The following RAB38 variants were observed in gnomAD, a reference collection of about 807,000 sequenced individuals.
RAB38 encodes the protein RAB38, member RAS oncogene family, also known as ras-related protein Rab-38.
RAB38 carries 15 observed loss-of-function variants against 18.4 expected under a neutral mutation model. The ratio of observed to expected loss-of-function variants is 0.82; its 90% CI spans 0.55 to 1.26. The LOEUF (loss-of-function observed/expected upper bound fraction) is 1.26. RAB38 is among the 50% of genes most tolerant of loss of function. RAB38 has a pLI of 0.00. For missense variants in RAB38, 294 were observed against 267.4 expected (o/e 1.10, Z -0.69); for synonymous variants, 101 against 104.4 (o/e 0.97, Z 0.20).
At chr11:88,086,733 T>C in the RAB38 span, among the ~76,000 whole-genome samples, 2 of 151,910 alleles carry the variant, frequency 1.3e-5, no homozygotes, top group Non-Finnish European at 2.9e-5. Context: ...GATAGATAGA[T>C]AGAGGATTTC....
intron 1 of RAB38, among the ~76,000 whole-genome samples, chr11:88,174,484 C>G (rs781154073): frequency 6.6e-6 from 1 of 151,916 alleles, no homozygotes; most frequent in Non-Finnish European, 1.5e-5. Flanking sequence ...TAAAAATGGC[C>G]TTAAAATATA....
chr11:87,930,135 G>A, the RAB38 span, among the ~76,000 whole-genome samples: 119 of 151,970 alleles, frequency 7.8e-4, no homozygotes, highest in Middle Eastern at 0.01. Context: ...CTGAGGAATC[G>A]CCACACTGAC....
At chr11:88,034,573 T>TTGC in the RAB38 span, among the ~76,000 whole-genome samples, 19 of 152,270 alleles carry the variant, frequency 1.2e-4, no homozygotes, top group Non-Finnish European at 4.4e-5. Flanking sequence ...TATTGTAGTT[T>TTGC]AAATTTGCAT....
At chr11:87,920,338 G>A in the RAB38 span, among the ~76,000 whole-genome samples, 1 of 151,574 alleles carries the variant, frequency 6.6e-6, no homozygotes, top group Non-Finnish European at 1.5e-5. Context: ...TAAATGTTGT[G>A]TTTCCATTTT....
At chr11:87,971,546 C>T in the RAB38 span, among the ~76,000 whole-genome samples, 2 of 152,118 alleles carry the variant, frequency 1.3e-5, no homozygotes, top group African/African-American at 4.8e-5. Context: ...CTCCTTGCCA[C>T]TCCCACTCTT....
At chr11:88,007,170 AC>A in the RAB38 span, among the ~76,000 whole-genome samples, 1 of 151,868 alleles carries the variant, frequency 6.6e-6, no homozygotes, top group Non-Finnish European at 1.5e-5. Context: ...ACACTATAGA[AC>A]TAAATATGAG....
chr11:87,832,395 GT>G, the RAB38 span, among the ~76,000 whole-genome samples: 1 of 152,106 alleles, frequency 6.6e-6, no homozygotes, highest in African/African-American at 2.4e-5. Flanking sequence ...GGCTCAACTG[GT>G]TTCTGTGCTC....
chr11:88,169,623 G>A (rs145947865), intron 1 of RAB38, among the ~76,000 whole-genome samples: 3 of 152,140 alleles, frequency 2.0e-5, no homozygotes, highest in Non-Finnish European at 4.4e-5. Context: ...GAATTAGAGG[G>A]CCAGATGATG....
chr11:87,902,541 A>G, the RAB38 span, among the ~76,000 whole-genome samples: 19 of 151,574 alleles, frequency 1.3e-4, no homozygotes, highest in South Asian at 3.9e-3. Flanking sequence ...TCATTTCTAC[A>G]AGAAAAGTCT....
the RAB38 span, among the ~76,000 whole-genome samples, chr11:87,844,210 A>G: frequency 5.3e-4 from 80 of 152,268 alleles, no homozygotes; most frequent in African/African-American, 1.9e-3. Flanking sequence ...ATAAATAGAG[A>G]TTACTCTTTT....
chr11:87,804,852 T>C, the RAB38 span, among the ~76,000 whole-genome samples: 1 of 152,218 alleles, frequency 6.6e-6, no homozygotes, highest in Admixed American at 6.5e-5. Flanking sequence ...TTTTATTTCT[T>C]CATTCCATGT....
At chr11:87,927,041 T>C in the RAB38 span, among the ~76,000 whole-genome samples, 1 of 152,086 alleles carries the variant, frequency 6.6e-6, no homozygotes, top group African/African-American at 2.4e-5. Context: ...TTGGTTGTAC[T>C]GTTTCAACTG....
At chr11:87,929,411 G>T in the RAB38 span, among the ~76,000 whole-genome samples, 1 of 151,042 alleles carries the variant, frequency 6.6e-6, no homozygotes, top group African/African-American at 2.4e-5. Context: ...CTTATTAAAG[G>T]TTTCACCCTA....
At chr11:88,119,273 T>C (rs1942599340) in intron 2 of RAB38, among the ~76,000 whole-genome samples, 1 of 152,124 alleles carries the variant, frequency 6.6e-6, no homozygotes, top group African/African-American at 2.4e-5. Context: ...TTCATACTCC[T>C]AACCTCTGCC....
chr11:87,888,594 C>A, the RAB38 span, among the ~76,000 whole-genome samples: 2 of 151,956 alleles, frequency 1.3e-5, no homozygotes, highest in East Asian at 2.0e-4. Flanking sequence ...CTAATCTGTA[C>A]CTTTCCTTCT....
At chr11:87,886,854 G>A in the RAB38 span, among the ~76,000 whole-genome samples, 1 of 138,582 alleles carries the variant, frequency 7.2e-6, no homozygotes, top group Non-Finnish European at 1.5e-5. Flanking sequence ...TTACACTGAT[G>A]CCAGCCCATC....
At chr11:88,092,353 A>AGG in the RAB38 span, among the ~76,000 whole-genome samples, 62 of 2,966 alleles carry the variant, frequency 0.021, 20 homozygotes, top group Non-Finnish European at 0.046. Flanking sequence ...AGAGGGAGGG[A>AGG]GAGAGAGAGA....
At chr11:87,954,402 A>T in the RAB38 span, among the ~76,000 whole-genome samples, 2 of 152,086 alleles carry the variant, frequency 1.3e-5, no homozygotes, top group Non-Finnish European at 2.9e-5. Context: ...TTTTCAGCCT[A>T]AATTTCTGAA....
chr11:88,136,854 G>C (rs577866443), intron 2 of RAB38, among the ~76,000 whole-genome samples: 2 of 152,268 alleles, frequency 1.3e-5, no homozygotes, highest in African/African-American at 4.8e-5. Context: ...CATCAACCCT[G>C]TCCCTTCTCC....
Sources: gnomAD v4.1 joint callset for allele counts (sites outside exome capture counted in the v4.1 genomes callset) on GRCh38, gnomAD v4.1.1 for gene constraint, MANE v1.5 for transcripts, NCBI Gene and HGNC (gene_info 2026-07-23, HGNC 2026-07-21) for gene names.